ZNF462: variants seen among roughly 807,000 people sequenced by gnomAD.
The protein encoded by ZNF462 is zinc finger protein 462, also known as zinc finger PBX1-interacting protein.
Under a neutral mutation model 201.9 loss-of-function variants are expected in ZNF462, and 10 were observed. That is an observed-to-expected ratio of 0.05 (90% confidence interval 0.03 to 0.08). The LOEUF (loss-of-function observed/expected upper bound fraction) is 0.08. Among genes scored for constraint, ZNF462 ranks in the 10% least tolerant of loss-of-function variants. The pLI, the probability that ZNF462 is intolerant of heterozygous loss-of-function variation, is 1.00. For synonymous variants in ZNF462, 1,227 were observed against 1,193.3 expected (o/e 1.03, Z -0.58); for missense variants, 2,523 against 3,168.3 (o/e 0.80, Z 4.89).
chr9:106,893,671 A>G (rs1244994329), intron 1 of ZNF462, among the ~76,000 whole-genome samples: 2 of 152,190 alleles, frequency 1.3e-5, no homozygotes. Flanking sequence ...TACTCAGGAG[A>G]CGGCAGGAAC....
intron 10 of ZNF462, among the ~76,000 whole-genome samples, chr9:106,987,425 G>T (rs1336563489): frequency 1.3e-5 from 2 of 152,142 alleles, no homozygotes. Flanking sequence ...TAGTGATGCT[G>T]AGCATTTTTC....
intron 1 of ZNF462, among the ~76,000 whole-genome samples, chr9:106,877,344 A>G (rs1827879177): frequency 6.7e-6 from 1 of 148,774 alleles, no homozygotes; most frequent in African/African-American, 2.5e-5. Context: ...ATTTCCAGAG[A>G]AATAAATATG....
At chr9:106,879,682 G>C (rs1016234241) in intron 1 of ZNF462, among the ~76,000 whole-genome samples, 1 of 152,118 alleles carries the variant, frequency 6.6e-6, no homozygotes, top group Non-Finnish European at 1.5e-5. Context: ...GCTGTAGTTG[G>C]TAGAAGCCTG....
At chr9:106,879,544 G>T (rs1222329633) in intron 1 of ZNF462, among the ~76,000 whole-genome samples, 1 of 152,100 alleles carries the variant, frequency 6.6e-6, no homozygotes, top group Non-Finnish European at 1.5e-5. Flanking sequence ...GGGAGGAGGA[G>T]AAAGGGCTTC....
chr9:106,956,609 A>G (rs1831585648), intron 7 of ZNF462, among the ~76,000 whole-genome samples: 2 of 144,648 alleles, frequency 1.4e-5, no homozygotes, highest in Non-Finnish European at 3.0e-5. Context: ...AAAGTCCTAG[A>G]TGGAATCTTC....
At chr9:106,939,198 A>T in intron 7 of ZNF462, 91 bp downstream of exon 7, 2 of 1,275,952 alleles carry the variant, frequency 1.6e-6, no homozygotes, top group Non-Finnish European at 2.1e-6. Flanking sequence ...GGAAAATCTT[A>T]TGTGAAAACA....
At position 107,010,973 on chromosome 9, in the gene ZNF462, C is replaced by G. The variant is rs1829901056; in HGVS notation, c.7464C>G (p.Ile2488Met). ...CCCTAAAGAATGAAACAGTAGCCAT[C>G]TGTGTAGTAACTGCCGACAAATCTC... is the stretch of plus-strand genomic sequence containing the variant. Reference protein sequence around the residue: ...DFSLKNETVAICVVTADKSLL... With the variant: ...DFSLKNETVAMCVVTADKSLL... The change falls in exon 13 of 13, where the codon ATC (isoleucine) becomes ATG (methionine). Residue 2488 changes from isoleucine (I) to methionine (M), a missense_variant. Ile to Met is a conservative substitution (Grantham distance 10, BLOSUM62 1). Around this residue, in one of 15 missense-constraint regions of ZNF462, gnomAD observed 67 missense variants for 63.2 expected, o/e 1.06. Transcript: ENST00000277225. The surrounding 1 kb of genome is among the most constrained non-coding windows in gnomAD (Gnocchi z 4.6). 4 of 1,613,770 alleles carry G rather than the reference C, an allele frequency of 2.5e-6. No homozygotes were observed. Among genetic ancestry groups the G allele is most frequent in the Non-Finnish European group, 1.7e-6 (2 of 1,179,900 alleles).
Position 106,917,539 on chromosome 9 carries a change from C to T in ZNF462, c.-30-5815C>T, listed in dbSNP as rs1829824140. ...AACTTCAGTCTCATATTGGGGGTTACATATGTGATTGCAAATTAATCCTTT... is the reference window on the plus strand; with the variant it reads ...AACTTCAGTCTCATATTGGGGGTTATATATGTGATTGCAAATTAATCCTTT... On this transcript the variant is annotated intron_variant, in intron 1 of 12. Transcript: ENST00000277225. The surrounding 1 kb of genome is among the most constrained non-coding windows in gnomAD (Gnocchi z 4.5). 6.6e-6 allele frequency among the ~76,000 whole-genome samples: 1 copy of T among 152,192 alleles called. No homozygotes were observed. Among genetic ancestry groups the T allele is most frequent in the Admixed American group, 6.5e-5 (1 of 15,288 alleles).
Position 106,974,350 on chromosome 9 carries a change from A to G in ZNF462, c.6832+77A>G, listed in dbSNP as rs1038267806. 4 of 1,598,698 alleles carry G rather than the reference A, an allele frequency of 2.5e-6. No homozygotes were observed. Among genetic ancestry groups the G allele is most frequent in the Admixed American group, 3.3e-5 (2 of 59,986 alleles). ...GATGGCCTTCTAGGGATGCTCTCTC[A>G]GAGTGGCAGTAGCACCTGTGCCTTG... On this transcript the variant is annotated intron_variant, in intron 9 of 12. Transcript: ENST00000277225. The surrounding 1 kb of genome is among the most constrained non-coding windows in gnomAD (Gnocchi z 4.0).
rs756789050 is a variant in ZNF462 at position 107,009,714 on chromosome 9, A to G, written c.7313+46A>G. ...GATGCCTTTGTCCAAAGCAAGAGGT[A>G]GGGAGGGAGGGAGGGGCTCTTGTTT... On this transcript the variant is annotated intron_variant, in intron 12 of 12. Transcript: ENST00000277225. The surrounding 1 kb of genome is among the most constrained non-coding windows in gnomAD (Gnocchi z 6.1). 11 of 548,008 alleles carry G rather than the reference A, an allele frequency of 2.0e-5. No homozygotes were observed. The highest frequency in any genetic ancestry group is 4.0e-5 in the African/African-American group (2 of 50,496). 33.9% of individuals were successfully genotyped at this position (548,008 alleles called of 1,614,324 possible).
At chr9:106,956,880 G>GCT (rs1831599049) in intron 7 of ZNF462, among the ~76,000 whole-genome samples, 2 of 152,132 alleles carry the variant, frequency 1.3e-5, no homozygotes, top group East Asian at 3.9e-4. Flanking sequence ...TGAGGGCCTT[G>GCT]CTTTGGATTA....
rs1319084541 is a variant in ZNF462, at chr9:106,930,734, G to C, written c.6012+45G>C. 1 of 1,605,620 alleles carries C rather than the reference G, an allele frequency of 6.2e-7. No homozygotes were observed. The highest frequency in any genetic ancestry group is 1.7e-5 in the Admixed American group (1 of 59,798). ...GATGAGCATTGTGTGTGAGCGATTC[G>C]AGTTACTTATTAACCCCATTGCCTA... On this transcript the variant is annotated intron_variant, in intron 4 of 12. Coordinates refer to ENST00000277225, the MANE Select transcript of ZNF462 (RefSeq NM_021224.6). This position sits in a 1 kb window ranked among gnomAD's most constrained non-coding sequence, Gnocchi z 5.8.
At chr9:106,882,214 A>C (rs1828129189) in intron 1 of ZNF462, among the ~76,000 whole-genome samples, 1 of 152,240 alleles carries the variant, frequency 6.6e-6, no homozygotes, top group Non-Finnish European at 1.5e-5. Flanking sequence ...CTAGACTAGA[A>C]GCTACAGAAA....
intron 1 of ZNF462, among the ~76,000 whole-genome samples, chr9:106,871,308 A>C (rs983404233): frequency 6.6e-6 from 1 of 152,236 alleles, no homozygotes; most frequent in African/African-American, 2.4e-5. Flanking sequence ...CTGTCAGAAA[A>C]GCAAACAGTA....
At position 106,993,845 on chromosome 9, in the gene ZNF462, A is replaced by C. The variant is rs2132458065; in HGVS notation, c.7056+9436A>C. ...CTGCATCTTCAAACTCCTAGGCTCA[A>C]GCAATCCTCCCACCTTGGCTTCCCA... On this transcript the variant is annotated intron_variant, in intron 10 of 12. Transcript: ENST00000277225. This position sits in a 1 kb window ranked among gnomAD's most constrained non-coding sequence, Gnocchi z 4.0. Among the ~76,000 whole-genome samples, 1 of 152,270 alleles carries C rather than the reference A, an allele frequency of 6.6e-6. No individual in the cohort carries two copies. Among genetic ancestry groups the C allele is most frequent in the Non-Finnish European group, 1.5e-5 (1 of 68,016 alleles).
Position 106,930,660 on chromosome 9 carries a change from A to C in ZNF462, c.5983A>C (p.Asn1995His), listed in dbSNP as rs1465220419. The change falls in exon 4 of 13, where the codon AAT becomes CAT. Residue 1995 changes from asparagine (N) to histidine (H), a missense_variant. Coordinates refer to ENST00000277225, the MANE Select transcript of ZNF462 (RefSeq NM_021224.6). The surrounding 1 kb of genome is among the most constrained non-coding windows in gnomAD (Gnocchi z 5.8). ...CCTCCGAAAGCACGTCCAGTATGGC[A>C]ATGTCCCAGCTGTGTCAGCTGCTGT... ...NHLRKHVQYGNVPAVSAAVKG... is the reference protein window; with the variant it reads ...NHLRKHVQYGHVPAVSAAVKG... 8.7e-6 allele frequency: 14 copies of C among 1,614,024 alleles called. No individual in the cohort carries two copies. The highest frequency in any genetic ancestry group is 1.2e-5 in the Non-Finnish European group (14 of 1,180,018).
At chr9:106,957,914 T>C (rs1056999772) in intron 7 of ZNF462, among the ~76,000 whole-genome samples, 3 of 152,024 alleles carry the variant, frequency 2.0e-5, no homozygotes, top group Non-Finnish European at 4.4e-5. Context: ...GAAGGGTTGG[T>C]AGGGAGCAGA....
In ZNF462 at chr9:106,926,802, G is replaced by A. The variant is rs749167125; in HGVS notation, c.2890G>A (p.Val964Met). 31 of 1,614,176 alleles carry A rather than the reference G, an allele frequency of 1.9e-5. No homozygotes were observed. The highest frequency in any genetic ancestry group is 2.4e-5 in the Non-Finnish European group (28 of 1,180,040). Residue 964 changes from valine (V) to methionine (M), a missense_variant, in exon 3 of 13, where the codon GTG becomes ATG. By Grantham distance (21) the Val-to-Met change is conservative (BLOSUM62 1). This residue lies in a region of ZNF462 where 280 missense variants were observed against 321.3 expected (regional missense o/e 0.87). Coordinates refer to ENST00000277225, the MANE Select transcript of ZNF462 (RefSeq NM_021224.6). The surrounding 1 kb of genome is among the most constrained non-coding windows in gnomAD (Gnocchi z 7.9). ...CGCGATGATATTTTCAAGCTATGTC[G>A]TGGAGCAGCAGGAAGGGCTGAATAC... ...NNAMIFSSYV[V>M]EQQEGLNTES...
Position 107,006,509 on chromosome 9 carries a change from C to T in ZNF462, c.7190-3036C>T, listed in dbSNP as rs1022520861. ...AATCTTCACTGAAGGGGACCTGACC[C>T]TGAAATCTGTGGATTCAGTGGCCCT... On this transcript the variant is annotated intron_variant, in intron 11 of 12. Transcript: ENST00000277225. This position sits in a 1 kb window ranked among gnomAD's most constrained non-coding sequence, Gnocchi z 4.3. Among the ~76,000 whole-genome samples, 6 of 152,168 alleles carry T rather than the reference C, an allele frequency of 3.9e-5. No homozygotes were observed. Among genetic ancestry groups the T allele is most frequent in the Non-Finnish European group, 1.5e-5 (1 of 68,024 alleles).
Sources: gnomAD v4.1 joint callset for allele counts (sites outside exome capture counted in the v4.1 genomes callset) on GRCh38, gnomAD v4.1.1 for gene constraint, gnomAD v4.1.1 regional missense constraint, Gnocchi (gnomAD v3.1) non-coding constraint, MANE v1.5 for transcripts, NCBI Gene and HGNC (gene_info 2026-07-23, HGNC 2026-07-21) for gene names.